RPS6KA6: variants seen among roughly 807,000 people sequenced by gnomAD.
The protein encoded by RPS6KA6 is ribosomal protein S6 kinase alpha-6.
A neutral mutation model predicts 65.4 loss-of-function variants in RPS6KA6; 27 were observed. That is an observed-to-expected ratio of 0.41 (90% CI 0.30 to 0.57). RPS6KA6 has a LOEUF of 0.57. Among genes scored for constraint, RPS6KA6 ranks in the 20% least tolerant of loss-of-function variants. The pLI is 0.24. For missense variants in RPS6KA6, 486 were observed against 555.6 expected, an observed-to-expected ratio of 0.87 and a Z score of 1.26; for synonymous variants, 190 against 184.2, an observed-to-expected ratio of 1.03 and a Z score of -0.26.
At chrX:84,099,459 T>G (rs1234082127) in intron 18 of RPS6KA6, among the ~76,000 whole-genome samples, 3 of 111,150 alleles carry the variant, frequency 2.7e-5, no homozygotes, top group Non-Finnish European at 5.7e-5. Context: ...TAAGTCTCTC[T>G]CTCATTTGGC....
chrX:84,173,526 T>G (rs2035718607), intron 1 of RPS6KA6, among the ~76,000 whole-genome samples: 1 of 112,422 alleles, frequency 8.9e-6, no homozygotes, highest in South Asian at 3.7e-4. Context: ...AATAAAAACA[T>G]TTTAGCTAAT....
intron 6 of RPS6KA6, among the ~76,000 whole-genome samples, chrX:84,142,400 C>A (rs951746215): frequency 1.8e-5 from 2 of 111,068 alleles, no homozygotes; most frequent in African/African-American, 6.5e-5. Context: ...TAAACACCTA[C>A]ATTATTAGAA....
Position 84,117,076 on chromosome X carries a change from A to G in RPS6KA6, c.933T>C (p.Asn311=), listed in dbSNP as rs1339389498. The G allele has an allele frequency of 1.2e-5, 14 of 1,173,766 alleles. No individual in the cohort carries two copies. The highest frequency in any genetic ancestry group is 1.6e-5 in the Non-Finnish European group (14 of 871,654). ...QSLLRMLFKR[N]PANRLGSEGV... Reference sequence around the variant, plus strand: ...AAGCAATACCCAATCTATTTGCTGGATTCCTTTTGAATAACATCCTTAGAA... The same window carrying G: ...AAGCAATACCCAATCTATTTGCTGGGTTCCTTTTGAATAACATCCTTAGAA... Residue 311 remains asparagine, a synonymous_variant, in exon 11 of 22, where the codon AAT becomes AAC. Coordinates refer to ENST00000262752, the MANE Select transcript of RPS6KA6 (RefSeq NM_014496.5).
chrX:84,070,509 A>G (rs1430856203), intron 20 of RPS6KA6, among the ~76,000 whole-genome samples: 1 of 110,910 alleles, frequency 9.0e-6, no homozygotes, highest in Non-Finnish European at 1.9e-5. Context: ...ATGTATACCT[A>G]TATAACAAAC....
chrX:84,087,250 A>G (rs2033943907), intron 20 of RPS6KA6, among the ~76,000 whole-genome samples: 1 of 111,305 alleles, frequency 9.0e-6, no homozygotes, highest in Admixed American at 9.6e-5. Context: ...TCATAATGTA[A>G]CTGGTCTGTG....
At chrX:84,098,513 G>C (rs1192178823) in intron 18 of RPS6KA6, among the ~76,000 whole-genome samples, 4 of 111,187 alleles carry the variant, frequency 3.6e-5, no homozygotes, top group Non-Finnish European at 7.6e-5. Context: ...GTGAGATTTA[G>C]CTACGAAGTT....
chrX:84,126,676 C>T (rs754058660), intron 8 of RPS6KA6, among the ~76,000 whole-genome samples: 3 of 111,078 alleles, frequency 2.7e-5, no homozygotes, highest in Admixed American at 9.6e-5. Context: ...TACAACTAGA[C>T]GTCAACAACA....
intron 3 of RPS6KA6, among the ~76,000 whole-genome samples, chrX:84,154,603 T>A (rs968124604): frequency 3.8e-4 from 42 of 110,850 alleles, no homozygotes; most frequent in Middle Eastern, 4.7e-3. Context: ...AAGTTGTATA[T>A]AATATACATG....
At chrX:84,069,157 C>T (rs1371519403) in intron 20 of RPS6KA6, among the ~76,000 whole-genome samples, 1 of 112,053 alleles carries the variant, frequency 8.9e-6, no homozygotes, top group Non-Finnish European at 1.9e-5. Flanking sequence ...TACCTGACTT[C>T]AAACTATACT....
intron 20 of RPS6KA6, among the ~76,000 whole-genome samples, chrX:84,070,396 G>A (rs1341126192): frequency 1.8e-5 from 2 of 110,274 alleles, no homozygotes; most frequent in Non-Finnish European, 1.9e-5. Context: ...GCCTGTCGGG[G>A]GTTAGGGAGA....
At chrX:84,179,305 C>T (rs1052083482) in intron 1 of RPS6KA6, among the ~76,000 whole-genome samples, 3 of 111,183 alleles carry the variant, frequency 2.7e-5, no homozygotes, top group Middle Eastern at 4.6e-3. Flanking sequence ...GGAATTCTCA[C>T]GCAGCAACCT....
chrX:84,106,519 A>G, intron 14 of RPS6KA6, 32 bp from the exon 15 acceptor site: 2 of 950,461 alleles, frequency 2.1e-6, no homozygotes, highest in Non-Finnish European at 2.9e-6. Flanking sequence ...AATACTAAGG[A>G]GAATGAAATA....
chrX:84,156,164 T>C lies in RPS6KA6; in HGVS notation c.169A>G (p.Ile57Val), dbSNP rs367763728. 2.1e-5 allele frequency: 24 copies of C among 1,166,070 alleles called. No homozygotes were observed. The highest frequency in any genetic ancestry group is 2.5e-5 in the Non-Finnish European group (21 of 856,614). ...TAGCCTTCCTTAACATGATGAGTAA[T>C]AGGGATTTCTTTAACAACTCCTTCA... Reference protein sequence around the residue: ...HDEGVVKEIPITHHVKEGYEK... With the variant: ...HDEGVVKEIPVTHHVKEGYEK... The change falls in exon 3 of 22, where the codon ATT becomes GTT. Residue 57 changes from isoleucine (I) to valine (V), a missense_variant. By Grantham distance (29) the Ile-to-Val change is conservative. Around this residue, in one of 3 missense-constraint regions of RPS6KA6, gnomAD observed 106 missense variants for 105.0 expected, o/e 1.01. Coordinates refer to ENST00000262752, the MANE Select transcript of RPS6KA6 (RefSeq NM_014496.5).
At chrX:84,078,235 A>G (rs1340782616) in intron 20 of RPS6KA6, among the ~76,000 whole-genome samples, 3 of 112,340 alleles carry the variant, frequency 2.7e-5, no homozygotes, top group Non-Finnish European at 5.6e-5. Flanking sequence ...GGAAATGCGA[A>G]TTAAAACTAC....
chrX:84,121,459 C>G (rs752985098), intron 8 of RPS6KA6, among the ~76,000 whole-genome samples: 2 of 111,989 alleles, frequency 1.8e-5, no homozygotes, highest in Non-Finnish European at 3.8e-5. Flanking sequence ...ACAATGCTAC[C>G]CTTTTTACTT....
chrX:84,093,710 AT>A (rs746221874), intron 20 of RPS6KA6, among the ~76,000 whole-genome samples: 24 of 111,202 alleles, frequency 2.2e-4, no homozygotes, highest in African/African-American at 4.9e-4. Flanking sequence ...ATTTCAGCAG[AT>A]TTTTTTTTGC....
intron 12 of RPS6KA6, among the ~76,000 whole-genome samples, chrX:84,115,221 C>T (rs34482722): frequency 0.18 from 19,903 of 110,750 alleles, 1,709 homozygotes; most frequent in Admixed American, 0.32. Context: ...AGACTAATAT[C>T]GAGATCTGCA....
rs144111430 is a variant in RPS6KA6, at chrX:84,138,205, A to C, written c.502-2995T>G. Among the ~76,000 whole-genome samples the C allele has an allele frequency of 5.9e-3, 660 of 111,890 alleles. 4 individuals are homozygous for C. Among genetic ancestry groups the C allele is most frequent in the Middle Eastern group, 9.2e-3 (2 of 217 alleles). On this transcript the variant is annotated intron_variant, in intron 6 of 21. Transcript: ENST00000262752. Reference sequence around the variant, plus strand: ...TTTATCATAATGATATAGGGTAAGTAATCTATAACAGGATATTTTTGGGCT... The same window carrying C: ...TTTATCATAATGATATAGGGTAAGTCATCTATAACAGGATATTTTTGGGCT...
At chrX:84,135,538 T>C (rs1602444933) in intron 6 of RPS6KA6, among the ~76,000 whole-genome samples, 1 of 111,761 alleles carries the variant, frequency 8.9e-6, no homozygotes, top group African/African-American at 3.2e-5. Flanking sequence ...TGCCTCATAA[T>C]ACCAATATTA....
Sources: allele counts gnomAD v4.1 joint callset (sites outside exome capture counted in the v4.1 genomes callset), GRCh38; gene constraint gnomAD v4.1.1; regional missense constraint gnomAD v4.1.1; transcripts MANE v1.5; gene names NCBI Gene and HGNC (gene_info 2026-07-23, HGNC 2026-07-21).